The following NBPF8 variants were observed in gnomAD, a reference collection of about 807,000 sequenced individuals.
The protein encoded by NBPF8 is NBPF family member NBPF8.
intron 24 of NBPF8, 77 bp from the exon 23 acceptor site, chr1:120,465,901 T>C (rs1326833172): frequency 1.2e-6 from 2 of 1,611,544 alleles, no homozygotes; most frequent in Non-Finnish European, 1.7e-6. Flanking sequence ...CTTCCTTATG[T>C]TACTTCTGAA....
chr1:120,452,771 A>T (rs1661320047), intron 13 of NBPF8, among the ~76,000 whole-genome samples: 1 of 152,076 alleles, frequency 6.6e-6, no homozygotes, highest in African/African-American at 2.4e-5. Context: ...GCAAGGGTCG[A>T]AGCATTCAAA....
intron 13 of NBPF8, among the ~76,000 whole-genome samples, chr1:120,452,749 A>T (rs1661318990): frequency 6.6e-6 from 1 of 152,212 alleles, no homozygotes; most frequent in African/African-American, 2.4e-5. Flanking sequence ...CGTGGCAGAC[A>T]AATTGTCTCT....
At chr1:120,422,964 T>G (rs1660615556) in intron 1 of NBPF8, among the ~76,000 whole-genome samples, 2 of 120,666 alleles carry the variant, frequency 1.7e-5, no homozygotes, top group South Asian at 4.8e-4. Context: ...TTCACCTTTT[T>G]TTTTTTTTTT....
chr1:120,460,658 T>A lies in NBPF8; in HGVS notation n.2836+34T>A, dbSNP rs1381611227. 12 of 941,156 alleles carry A rather than the reference T, an allele frequency of 1.3e-5. No individual in the cohort carries two copies. The South Asian group carries it at 1.5e-4, about 12-fold the overall frequency. 58.3% of individuals were successfully genotyped at this position (941,156 alleles called of 1,614,324 possible). On this transcript the variant is annotated intron_variant and non_coding_transcript_variant, in intron 18 of 24. Coordinates refer to ENST00000583271, the Ensembl canonical transcript of NBPF8. ...GAGAAATTGTGGACAGTTAATTTGA[T>A]GTTGACACCTGGAGATGCCAAGTCC...
chr1:120,430,757 A>C (rs1368662002), intron 3 of NBPF8, among the ~76,000 whole-genome samples: 6 of 146,454 alleles, frequency 4.1e-5, no homozygotes, highest in Non-Finnish European at 9.0e-5. Flanking sequence ...TGTCTCAAAA[A>C]AAAAAAAAAA....
At chr1:120,434,269 A>T (rs1157212342), upstream of NBPF8, among the ~76,000 whole-genome samples, 1 of 108,532 alleles carries the variant, frequency 9.2e-6, no homozygotes, top group Non-Finnish European at 1.8e-5. Flanking sequence ...TATATATTGT[A>T]TATTATGTAT....
At chr1:120,468,776 C>T (rs1474807271), downstream of NBPF8, among the ~76,000 whole-genome samples, 1 of 151,304 alleles carries the variant, frequency 6.6e-6, no homozygotes, top group Non-Finnish European at 1.5e-5. Context: ...TCTCCACACT[C>T]GCTTTCTGAG....
chr1:120,430,860 G>A (rs1476377334), intron 3 of NBPF8, among the ~76,000 whole-genome samples: 5 of 151,696 alleles, frequency 3.3e-5, no homozygotes, highest in Non-Finnish European at 7.4e-5. Flanking sequence ...CTAAATTAGT[G>A]GGGAGATAAA....
chr1:120,451,980 G>A (rs1349712505), intron 12 of NBPF8, 137 bp from the exon 11 acceptor site: 3 of 986,536 alleles, frequency 3.0e-6, no homozygotes, highest in East Asian at 4.7e-5. Context: ...CTTGGCCACA[G>A]ACATTCCTTT....
upstream of NBPF8, among the ~76,000 whole-genome samples, chr1:120,435,706 GAA>G (rs1661052751): frequency 6.6e-6 from 1 of 151,192 alleles, no homozygotes; most frequent in Non-Finnish European, 1.5e-5. Context: ...AAAAAAAAAA[GAA>G]AAGAAAAATT....
exon 21 of NBPF8, chr1:120,462,855 T>C: frequency 5.2e-6 from 2 of 384,206 alleles, no homozygotes; most frequent in Non-Finnish European, 8.9e-6. Context: ...ACTGGATAGA[T>C]GTTATTCGAC....
At chr1:120,452,148 C>G (rs1553248945) in exon 13 of NBPF8, 1 of 1,605,110 alleles carries the variant, frequency 6.2e-7, no homozygotes, top group African/African-American at 1.4e-5. Flanking sequence ...CACTCAGGAA[C>G]GAGAGCTGAC....
intron 13 of NBPF8, among the ~76,000 whole-genome samples, chr1:120,452,690 G>C (rs1661315722): frequency 1.3e-5 from 2 of 152,380 alleles, no homozygotes; most frequent in African/African-American, 4.8e-5. Flanking sequence ...AATGTTCTTA[G>C]TAACTGTCAG....
At chr1:120,452,986 G>A (rs1661327398) in intron 13 of NBPF8, among the ~76,000 whole-genome samples, 3 of 151,192 alleles carry the variant, frequency 2.0e-5, no homozygotes, top group African/African-American at 7.3e-5. Flanking sequence ...TGTGGGACAA[G>A]TTTGTCTGCT....
At chr1:120,415,731 G>A (rs1480904297), upstream of NBPF8, among the ~76,000 whole-genome samples, 1 of 152,184 alleles carries the variant, frequency 6.6e-6, no homozygotes, top group Non-Finnish European at 1.5e-5. Context: ...TCTCCAGGCT[G>A]GTGATGGGCA....
chr1:120,452,529 C>T (rs1166357611), intron 13 of NBPF8, among the ~76,000 whole-genome samples, 198 bp downstream of exon 11: 1 of 151,884 alleles, frequency 6.6e-6, no homozygotes, highest in Non-Finnish European at 1.5e-5. Context: ...TTGCAAGTGT[C>T]CCTCCTCCCT....
chr1:120,433,341 C>A (rs1433055433), upstream of NBPF8: 1 of 152,606 alleles, frequency 6.6e-6, no homozygotes, highest in African/African-American at 2.4e-5. Flanking sequence ...TGTCAGTATT[C>A]ATAAATACAT....
At chr1:120,430,609 C>G (rs1204069722) in intron 3 of NBPF8, among the ~76,000 whole-genome samples, 47 of 144,394 alleles carry the variant, frequency 3.3e-4, no homozygotes, top group African/African-American at 1.2e-3. Context: ...AAAAAATTAG[C>G]TAGGCGTGGT....
At chr1:120,467,892 G>A (rs1484893665), downstream of NBPF8, among the ~76,000 whole-genome samples, 53 of 152,140 alleles carry the variant, frequency 3.5e-4, no homozygotes, top group Non-Finnish European at 5.3e-4. Flanking sequence ...TTTACCATAC[G>A]TAGCAGAATG....
Sources: gnomAD v4.1 joint callset for allele counts (sites outside exome capture counted in the v4.1 genomes callset) on GRCh38, gnomAD v4.1.1 for gene constraint, MANE v1.5 for transcripts, NCBI Gene and HGNC (gene_info 2026-07-23, HGNC 2026-07-21) for gene names.